ARHGAP28: variants seen among roughly 807,000 people sequenced by gnomAD.
ARHGAP28 encodes Rho GTPase activating protein 28.
ARHGAP28 carries 56 observed loss-of-function variants against 90.7 expected under a neutral mutation model. That is an observed-to-expected ratio of 0.62 (90% CI 0.50 to 0.77). ARHGAP28 has a LOEUF of 0.77. ARHGAP28 is among the 30% of genes least tolerant of loss of function. The pLI is 0.00. For synonymous variants in ARHGAP28, 308 were observed against 323.3 expected (o/e 0.95, Z 0.51); for missense variants, 869 against 900.9 (o/e 0.96, Z 0.45).
chr18:6,791,526 G>A (rs2056406207), intron 1 of ARHGAP28: 1 of 152,092 alleles, frequency 6.6e-6, no homozygotes, highest in African/African-American at 2.4e-5. Flanking sequence ...GTAAACATTG[G>A]GACATGACTA....
chr18:6,898,219 A>G (rs2057317799), intron 16 of ARHGAP28: 3 of 354,540 alleles, frequency 8.5e-6, no homozygotes, highest in African/African-American at 2.1e-5. Context: ...AATTACCACT[A>G]AAGGGTGTAG....
intron 2 of ARHGAP28, 32 bp from the exon 3 acceptor site, chr18:6,837,165 T>G (rs1182428373): frequency 6.7e-7 from 1 of 1,490,936 alleles, no homozygotes; most frequent in Non-Finnish European, 9.1e-7. Flanking sequence ...CAGAAAATAT[T>G]CTAACCCTCT....
intron 16 of ARHGAP28, chr18:6,898,520 C>G (rs747029551): frequency 1.2e-6 from 2 of 1,614,124 alleles, no homozygotes; most frequent in East Asian, 4.5e-5. Flanking sequence ...CAGAGACCAA[C>G]AGGAGCCCCA....
intron 1 of ARHGAP28, among the ~76,000 whole-genome samples, chr18:6,730,284 AT>A (rs2055869570): frequency 6.6e-6 from 1 of 150,508 alleles, no homozygotes; most frequent in South Asian, 2.1e-4. Flanking sequence ...AAATTAAAAA[AT>A]ATTCCAAATG....
chr18:6,887,289 G>A (rs747888905), intron 12 of ARHGAP28, 50 bp downstream of exon 12: 1 of 1,547,444 alleles, frequency 6.5e-7, no homozygotes, highest in South Asian at 1.1e-5. Context: ...ATTGCTCAGA[G>A]GACATGGCTC....
chr18:6,780,296 G>A (rs768637079), intron 1 of ARHGAP28, among the ~76,000 whole-genome samples: 52 of 151,568 alleles, frequency 3.4e-4, no homozygotes, highest in Non-Finnish European at 6.8e-4. Flanking sequence ...AAAAATATTT[G>A]GGGAAAAAAA....
At chr18:6,740,298 CTA>C (rs1470791698) in intron 1 of ARHGAP28, among the ~76,000 whole-genome samples, 2 of 152,178 alleles carry the variant, frequency 1.3e-5, no homozygotes, top group African/African-American at 4.8e-5. Context: ...AGGTCCTAGA[CTA>C]TGACATTGTA....
Position 6,913,488 on chromosome 18 carries a change from A to T in ARHGAP28, c.*1334A>T, listed in dbSNP as rs1479776393. 1 of 152,100 alleles carries T rather than the reference A, an allele frequency of 6.6e-6. No individual in the cohort carries two copies. The highest frequency in any genetic ancestry group is 1.5e-5 in the Non-Finnish European group (1 of 68,024). 9.4% of individuals were successfully genotyped at this position (152,100 alleles called of 1,614,324 possible). ...ATGAATTTATATTGGTTTTAATGAG[A>T]CCCAAATGACTCTCTCTTAACAATT... On this transcript the variant is annotated 3_prime_UTR_variant, in exon 18 of 18. Transcript: ENST00000383472.
intron 2 of ARHGAP28, among the ~76,000 whole-genome samples, chr18:6,836,976 A>G (rs1273276750): frequency 6.6e-6 from 1 of 152,182 alleles, no homozygotes; most frequent in East Asian, 1.9e-4. Context: ...AATTTACCTT[A>G]CCAAGTCTGC....
At chr18:6,800,669 T>C (rs1034289521) in intron 1 of ARHGAP28, among the ~76,000 whole-genome samples, 1 of 151,802 alleles carries the variant, frequency 6.6e-6, no homozygotes, top group Non-Finnish European at 1.5e-5. Context: ...TAAGAACACA[T>C]GGACAGAGGG....
chr18:6,824,238 A>G (rs1043480723), intron 1 of ARHGAP28, among the ~76,000 whole-genome samples: 2 of 152,190 alleles, frequency 1.3e-5, no homozygotes, highest in Admixed American at 6.5e-5. Flanking sequence ...GAGTCATTAT[A>G]AAGTACAGAG....
At chr18:6,809,742 T>A (rs2056543277) in intron 1 of ARHGAP28, among the ~76,000 whole-genome samples, 1 of 152,070 alleles carries the variant, frequency 6.6e-6, no homozygotes, top group African/African-American at 2.4e-5. Flanking sequence ...CAATCACCTC[T>A]CACCAGGCCG....
intron 1 of ARHGAP28, among the ~76,000 whole-genome samples, chr18:6,819,358 A>C (rs1045021912): frequency 3.3e-5 from 5 of 152,210 alleles, no homozygotes; most frequent in African/African-American, 1.2e-4. Flanking sequence ...TCTATATTTT[A>C]AAAACTATGT....
intron 1 of ARHGAP28, among the ~76,000 whole-genome samples, chr18:6,759,895 A>G (rs982754404): frequency 1.3e-5 from 2 of 152,218 alleles, no homozygotes; most frequent in African/African-American, 2.4e-5. Context: ...TTAGATAGGT[A>G]TCAGAACCTT....
chr18:6,910,875 C>T (rs559023867), intron 17 of ARHGAP28, among the ~76,000 whole-genome samples: 11 of 138,710 alleles, frequency 7.9e-5, no homozygotes, highest in South Asian at 4.7e-4. Context: ...GACGGAGTCT[C>T]GCTCTGTCGC....
chr18:6,753,597 G>A (rs1412654730), intron 1 of ARHGAP28, among the ~76,000 whole-genome samples: 1 of 152,198 alleles, frequency 6.6e-6, no homozygotes, highest in Non-Finnish European at 1.5e-5. Flanking sequence ...TGAATTTGAT[G>A]TTTAAAGATT....
intron 1 of ARHGAP28, among the ~76,000 whole-genome samples, chr18:6,822,359 G>A (rs1328042056): frequency 6.6e-6 from 1 of 152,134 alleles, no homozygotes; most frequent in Non-Finnish European, 1.5e-5. Flanking sequence ...GAGGCTGTGT[G>A]AGCAGTGGTA....
At chr18:6,775,586 C>T (rs898801493) in intron 1 of ARHGAP28, among the ~76,000 whole-genome samples, 1 of 152,098 alleles carries the variant, frequency 6.6e-6, no homozygotes, top group Admixed American at 6.5e-5. Flanking sequence ...TGATAGGCCA[C>T]GTGATGCTTC....
chr18:6,776,917 G>A (rs965871655), intron 1 of ARHGAP28, among the ~76,000 whole-genome samples: 1 of 152,082 alleles, frequency 6.6e-6, no homozygotes, highest in Non-Finnish European at 1.5e-5. Context: ...TACGATTGGA[G>A]GGGGGATAGC....
Sources: gnomAD v4.1 joint callset for allele counts (sites outside exome capture counted in the v4.1 genomes callset) on GRCh38, gnomAD v4.1.1 for gene constraint, MANE v1.5 for transcripts, NCBI Gene and HGNC (gene_info 2026-07-23, HGNC 2026-07-21) for gene names.